Variants in DIAPH2 observed in about 807,000 individuals in gnomAD.
DIAPH2 encodes the protein protein diaphanous homolog 2.
DIAPH2 carries 35 observed loss-of-function variants against 92.7 expected under a neutral mutation model. The ratio of observed to expected loss-of-function variants is 0.38; its 90% confidence interval spans 0.29 to 0.50. DIAPH2 has a LOEUF of 0.50. DIAPH2 is among the 20% of genes least tolerant of loss of function. The pLI is 0.94. For synonymous variants in DIAPH2, 301 were observed against 280.4 expected (o/e 1.07, Z -0.73); for missense variants, 701 against 819.5 (o/e 0.86, Z 1.77).
At chrX:97,287,981 T>A (rs917996444) in intron 23 of DIAPH2, among the ~76,000 whole-genome samples, 33 of 82,542 alleles carry the variant, frequency 4.0e-4, no homozygotes, top group African/African-American at 1.1e-3. Context: ...AAAAAAAAAA[T>A]TAATGCCTTC....
At chrX:96,965,392 G>T (rs1184078582) in intron 17 of DIAPH2, among the ~76,000 whole-genome samples, 185 bp downstream of exon 17, 4 of 111,376 alleles carry the variant, frequency 3.6e-5, no homozygotes, top group Admixed American at 2.9e-4. Flanking sequence ...TTTTACCTTT[G>T]AATTTTATTA....
intron 17 of DIAPH2, among the ~76,000 whole-genome samples, chrX:97,011,139 A>G (rs1299096510): frequency 8.9e-6 from 1 of 112,433 alleles, no homozygotes. Context: ...TGTTCCTGTT[A>G]TCCTTTTAAA....
At chrX:96,890,602 G>C (rs945456126) in intron 5 of DIAPH2, among the ~76,000 whole-genome samples, 4 of 110,690 alleles carry the variant, frequency 3.6e-5, no homozygotes, top group Admixed American at 2.9e-4. Flanking sequence ...GTTTCTTTTT[G>C]TTCAGCCCCT....
Position 97,450,548 on chromosome X carries a change from A to G in DIAPH2, c.3241+20803A>G, listed in dbSNP as rs781331690. Among the ~76,000 whole-genome samples the G allele has an allele frequency of 6.3e-5, 7 of 111,468 alleles. No homozygotes were observed. The East Asian group carries it at 2.0e-3, about 32-fold the overall frequency. ...TGGTAAGAGCACTAGTTGCCACTCTAGTATTTTTTCCCATTGTCTGCTCAG... is the reference window on the plus strand; with the variant it reads ...TGGTAAGAGCACTAGTTGCCACTCTGGTATTTTTTCCCATTGTCTGCTCAG... On this transcript the variant is annotated intron_variant, in intron 26 of 26. Coordinates refer to ENST00000324765, the MANE Select transcript of DIAPH2 (RefSeq NM_006729.5).
chrX:96,903,231 A>G (rs2065410861), intron 5 of DIAPH2, among the ~76,000 whole-genome samples: 1 of 111,539 alleles, frequency 9.0e-6, no homozygotes, highest in African/African-American at 3.2e-5. Context: ...TACAGGTGGT[A>G]TATGCTAATG....
At chrX:96,972,622 T>G (rs1170321330) in intron 17 of DIAPH2, among the ~76,000 whole-genome samples, 5 of 110,838 alleles carry the variant, frequency 4.5e-5, no homozygotes, top group Admixed American at 2.9e-4. Flanking sequence ...GTATACTTAG[T>G]CAAGTTGTAG....
intron 4 of DIAPH2, among the ~76,000 whole-genome samples, chrX:96,839,486 GT>G (rs2064921623): frequency 2.7e-5 from 3 of 111,204 alleles, no homozygotes; most frequent in Non-Finnish European, 3.8e-5. Context: ...TTAATTACTT[GT>G]TAGAAAAATG....
chrX:97,348,362 T>C, intron 24 of DIAPH2, 82 bp downstream of exon 24: 1 of 813,948 alleles, frequency 1.2e-6, no homozygotes, highest in Non-Finnish European at 1.7e-6. Context: ...TTTATGTTCC[T>C]ATTGACTATA....
intron 17 of DIAPH2, among the ~76,000 whole-genome samples, chrX:97,013,368 C>A (rs186835415): frequency 7.8e-4 from 88 of 112,127 alleles, no homozygotes; most frequent in African/African-American, 2.9e-3. Flanking sequence ...CTGTCCACCC[C>A]CTTTTCTCCA....
chrX:97,180,447 T>G (rs2067529899), intron 22 of DIAPH2, among the ~76,000 whole-genome samples: 1 of 112,099 alleles, frequency 8.9e-6, no homozygotes, highest in Non-Finnish European at 1.9e-5. Flanking sequence ...TCTCCCGTTC[T>G]GTAGGTTACA....
At chrX:97,130,098 C>T (rs1445519796) in intron 21 of DIAPH2, among the ~76,000 whole-genome samples, 1 of 112,036 alleles carries the variant, frequency 8.9e-6, no homozygotes. Flanking sequence ...ATCAAGAAAA[C>T]AGAAAGCAAC....
intron 1 of DIAPH2, among the ~76,000 whole-genome samples, chrX:96,707,195 G>T (rs1321402924): frequency 1.8e-5 from 2 of 109,456 alleles, no homozygotes; most frequent in East Asian, 5.9e-4. Flanking sequence ...TAGAGACAGA[G>T]TCTCGCTCAG....
At chrX:97,597,478 G>A (rs1174517830) in intron 26 of DIAPH2, among the ~76,000 whole-genome samples, 1 of 111,368 alleles carries the variant, frequency 9.0e-6, no homozygotes. Flanking sequence ...GATGGTGTGG[G>A]GTGCCAGTAG....
intron 4 of DIAPH2, among the ~76,000 whole-genome samples, chrX:96,879,303 A>G (rs895918580): frequency 1.8e-5 from 2 of 111,571 alleles, no homozygotes; most frequent in African/African-American, 6.5e-5. Flanking sequence ...AAGGGTCTTC[A>G]AGGCAGAGAA....
intron 4 of DIAPH2, among the ~76,000 whole-genome samples, chrX:96,813,266 CATTAT>C (rs1156538439): frequency 9.1e-6 from 1 of 109,490 alleles, no homozygotes; most frequent in Non-Finnish European, 1.9e-5. Flanking sequence ...ATCCCTTTAC[CATTAT>C]ATAATGGCCT....
chrX:96,858,638 C>T (rs925255359), intron 4 of DIAPH2, among the ~76,000 whole-genome samples: 1 of 111,834 alleles, frequency 8.9e-6, no homozygotes, highest in Admixed American at 9.5e-5. Context: ...AGTCAGGTTC[C>T]TGGCCCAGCA....
intron 17 of DIAPH2, among the ~76,000 whole-genome samples, chrX:97,043,335 C>T (rs1396990357): frequency 9.0e-6 from 1 of 110,791 alleles, no homozygotes; most frequent in East Asian, 2.8e-4. Context: ...GTTTTAGTTG[C>T]CGTGTAATAA....
chrX:97,311,455 C>T (rs1278776667), intron 23 of DIAPH2, among the ~76,000 whole-genome samples: 3 of 111,284 alleles, frequency 2.7e-5, no homozygotes, highest in African/African-American at 9.8e-5. Flanking sequence ...CCTGAGCATT[C>T]GGGGATCAGA....
chrX:96,742,225 C>A (rs2064124185), intron 3 of DIAPH2, among the ~76,000 whole-genome samples: 1 of 111,607 alleles, frequency 9.0e-6, no homozygotes, highest in Non-Finnish European at 1.9e-5. Flanking sequence ...ATTAGAAAAT[C>A]TCATTAGCTT....
Sources: allele counts gnomAD v4.1 joint callset (sites outside exome capture counted in the v4.1 genomes callset), GRCh38; gene constraint gnomAD v4.1.1; transcripts MANE v1.5; gene names NCBI Gene and HGNC (gene_info 2026-07-23, HGNC 2026-07-21).